Variants in EXOC6B observed in about 807,000 individuals in gnomAD.
EXOC6B encodes the protein exocyst complex component 6B, also known as SEC15 homolog B.
Under a neutral mutation model 113.5 loss-of-function variants are expected in EXOC6B, and 54 were observed. The ratio of observed to expected loss-of-function variants is 0.48; its 90% confidence interval spans 0.38 to 0.60. The LOEUF (loss-of-function observed/expected upper bound fraction) is 0.60, where lower values mean the gene tolerates loss of function less well. EXOC6B is among the 20% of genes least tolerant of loss of function. EXOC6B has a pLI of 0.00. For missense variants in EXOC6B, 797 were observed against 977.5 expected (o/e 0.82, Z 2.46); for synonymous variants, 357 against 339.0 (o/e 1.05, Z -0.58).
intron 18 of EXOC6B, among the ~76,000 whole-genome samples, chr2:72,434,862 G>T (rs905295178): frequency 4.6e-5 from 7 of 151,976 alleles, no homozygotes; most frequent in African/African-American, 7.3e-5. Context: ...ACCAGCTCTT[G>T]GATTCACTGA....
chr2:72,792,450 T>G (rs1559005933), intron 1 of EXOC6B, among the ~76,000 whole-genome samples: 2 of 152,234 alleles, frequency 1.3e-5, no homozygotes, highest in Non-Finnish European at 2.9e-5. Flanking sequence ...TCCAAATGTT[T>G]CCTTGTCGTT....
chr2:72,595,617 C>T (rs1446471011), intron 6 of EXOC6B, among the ~76,000 whole-genome samples: 1 of 151,614 alleles, frequency 6.6e-6, no homozygotes, highest in Non-Finnish European at 1.5e-5. Flanking sequence ...AAAAGCAATA[C>T]AGAACTGAAA....
intron 20 of EXOC6B, among the ~76,000 whole-genome samples, chr2:72,209,775 A>T (rs1009355709): frequency 6.6e-6 from 1 of 152,226 alleles, no homozygotes; most frequent in African/African-American, 2.4e-5. Flanking sequence ...ACATCAGAGA[A>T]TTAGTGTTGT....
intron 6 of EXOC6B, among the ~76,000 whole-genome samples, chr2:72,648,688 G>A (rs750527267): frequency 1.3e-5 from 2 of 152,112 alleles, no homozygotes; most frequent in Non-Finnish European, 2.9e-5. Flanking sequence ...AGAAAATGTG[G>A]TACATATACA....
chr2:72,668,870 C>T (rs74318702), intron 6 of EXOC6B, among the ~76,000 whole-genome samples: 2,928 of 152,220 alleles, frequency 0.019, 45 homozygotes, highest in Non-Finnish European at 0.03. Flanking sequence ...CTCAGAATGA[C>T]GCAATATACG....
Position 72,379,844 on chromosome 2 carries a change from C to T in EXOC6B, c.2007G>A (p.Met669Ile). 1.2e-6 allele frequency: 2 copies of T among 1,612,370 alleles called. No individual in the cohort carries two copies. The highest frequency in any genetic ancestry group is 1.7e-6 in the Non-Finnish European group (2 of 1,179,258). ...LPGKVAQTACMSACKHLATSL... is the reference protein window; with the variant it reads ...LPGKVAQTACISACKHLATSL... Reference sequence around the variant, plus strand: ...ATGTGGCTAAATGCTTGCAAGCTGACATACACGCTGTCTGGGCCACCTTTC... The same window carrying T: ...ATGTGGCTAAATGCTTGCAAGCTGATATACACGCTGTCTGGGCCACCTTTC... The change falls in exon 19 of 22, where the codon ATG (methionine) becomes ATA (isoleucine). Residue 669 changes from methionine (M) to isoleucine (I), a missense_variant. Transcript: ENST00000272427.
At chr2:72,245,191 GAGA>G (rs1262563045) in intron 20 of EXOC6B, among the ~76,000 whole-genome samples, 5 of 152,134 alleles carry the variant, frequency 3.3e-5, no homozygotes, top group Admixed American at 1.3e-4. Flanking sequence ...ATTACTGAAG[GAGA>G]AGAATGTCAG....
intron 6 of EXOC6B, among the ~76,000 whole-genome samples, chr2:72,689,260 C>T (rs1677313736): frequency 6.6e-6 from 1 of 152,108 alleles, no homozygotes. Context: ...CTCCTAGGCC[C>T]ATTAACCAGA....
chr2:72,467,395 T>G (rs551178286), intron 17 of EXOC6B, among the ~76,000 whole-genome samples: 123 of 152,344 alleles, frequency 8.1e-4, no homozygotes, highest in East Asian at 1.5e-3. Flanking sequence ...TTTTATTTTT[T>G]GGGGGAACCT....
chr2:72,805,229 T>C lies in EXOC6B; in HGVS notation c.113+20569A>G, dbSNP rs999365669. ...GATGTGAGAAATAAAAACACAATGA[T>C]GACACCTGTGATTTCTTTTTCTTTT... On this transcript the variant is annotated intron_variant, in intron 1 of 21. Coordinates refer to ENST00000272427, the MANE Select transcript of EXOC6B (RefSeq NM_015189.3). 4.6e-5 allele frequency among the ~76,000 whole-genome samples: 7 copies of C among 152,342 alleles called. No individual in the cohort carries two copies. In the East Asian group the frequency reaches 1.3e-3, roughly 29 times the overall value.
chr2:72,195,373 A>C (rs1317712007), intron 20 of EXOC6B, among the ~76,000 whole-genome samples: 1 of 152,178 alleles, frequency 6.6e-6, no homozygotes, highest in East Asian at 1.9e-4. Context: ...ATACATGTTC[A>C]AGGGGAGGAT....
intron 5 of EXOC6B, 42 bp downstream of exon 5, chr2:72,730,965 A>C: frequency 2.1e-6 from 3 of 1,416,028 alleles, no homozygotes; most frequent in Non-Finnish European, 2.8e-6. Context: ...AACAACAGAA[A>C]TTTTAGATAG....
chr2:72,573,722 CAT>C lies in EXOC6B; in HGVS notation c.846+1768_846+1769del, dbSNP rs555100548. Reference sequence around the variant, plus strand: ...TAATGTACTTCATTTACATAATAAACATATCCTAGTACAATATAAACTTTAAA... The same window carrying C: ...TAATGTACTTCATTTACATAATAAACATCCTAGTACAATATAAACTTTAAA... On this transcript the variant is annotated intron_variant, in intron 7 of 21. Coordinates refer to ENST00000272427, the MANE Select transcript of EXOC6B (RefSeq NM_015189.3). Among the ~76,000 whole-genome samples the C allele has an allele frequency of 1.3e-3, 194 of 152,140 alleles. 1 individual carries two copies. The highest frequency in any genetic ancestry group is 1.6e-3 in the Non-Finnish European group (112 of 68,032).
At chr2:72,614,531 G>A (rs1359847448) in intron 6 of EXOC6B, among the ~76,000 whole-genome samples, 1 of 152,016 alleles carries the variant, frequency 6.6e-6, no homozygotes, top group East Asian at 1.9e-4. Context: ...TTTCTCAGAA[G>A]GACCATAGCA....
chr2:72,202,082 G>C (rs1233557063), intron 20 of EXOC6B, among the ~76,000 whole-genome samples: 1 of 152,184 alleles, frequency 6.6e-6, no homozygotes, highest in Non-Finnish European at 1.5e-5. Flanking sequence ...TAAGGTCTTA[G>C]TCTCTGATGG....
At chr2:72,205,104 G>C (rs1274936505) in intron 20 of EXOC6B, among the ~76,000 whole-genome samples, 1 of 152,154 alleles carries the variant, frequency 6.6e-6, no homozygotes, top group African/African-American at 2.4e-5. Context: ...GCCAGAGAGA[G>C]AGAGAATGGA....
At chr2:72,734,360 T>C (rs1680823736) in intron 2 of EXOC6B, among the ~76,000 whole-genome samples, 1 of 152,174 alleles carries the variant, frequency 6.6e-6, no homozygotes, top group Non-Finnish European at 1.5e-5. Flanking sequence ...TGTGAAACAC[T>C]TTGTGGTTTT....
At chr2:72,817,445 C>A (rs115366833) in intron 1 of EXOC6B, among the ~76,000 whole-genome samples, 33 of 152,100 alleles carry the variant, frequency 2.2e-4, no homozygotes, top group Non-Finnish European at 4.1e-4. Context: ...TAATTAATTC[C>A]CAGATAATTA....
In EXOC6B at chr2:72,422,135, C is replaced by T. The variant is rs191324072; in HGVS notation, c.1981-42265G>A. Among the ~76,000 whole-genome samples the T allele has an allele frequency of 7.2e-5, 11 of 152,316 alleles. No individual in the cohort carries two copies. The East Asian group carries it at 1.5e-3, about 21-fold the overall frequency. ...CCCACTCCATGGGCCCCGTGCGGCC[C>T]GAGCCTCCCCAACGAGCACCACCCC... On this transcript the variant is annotated intron_variant, in intron 18 of 21. Transcript: ENST00000272427.
Sources: gnomAD v4.1 joint callset for allele counts (sites outside exome capture counted in the v4.1 genomes callset) on GRCh38, gnomAD v4.1.1 for gene constraint, MANE v1.5 for transcripts, NCBI Gene and HGNC (gene_info 2026-07-23, HGNC 2026-07-21) for gene names.